The following BARD1 variants were observed in gnomAD, a reference collection of about 807,000 sequenced individuals.
BARD1 encodes the protein BRCA1-associated RING domain protein 1.
Under a neutral mutation model 77.0 loss-of-function variants are expected in BARD1, and 73 were observed. The observed-to-expected ratio is 0.95, with a 90% CI of 0.79 to 1.15. BARD1 has a LOEUF of 1.15. Among genes scored for constraint, BARD1 ranks in the 50% most tolerant of loss-of-function variants. The pLI, the probability that BARD1 is intolerant of heterozygous loss-of-function variation, is 0.00. For synonymous variants in BARD1, 384 were observed against 338.0 expected, an observed-to-expected ratio of 1.14 and a Z score of -1.49; for missense variants, 993 against 938.8, an observed-to-expected ratio of 1.06 and a Z score of -0.75.
Position 214,728,881 on chromosome 2 carries a change from T to A in BARD1, c.2129A>T (p.Asp710Val), listed in dbSNP as rs150121935. The change falls in exon 11 of 11, where the codon GAC (aspartate) becomes GTC (valine). Residue 710 changes from aspartate (D) to valine (V), a missense_variant. Physicochemically the swap from Asp to Val is radical, Grantham distance 152. Coordinates refer to ENST00000260947, the MANE Select transcript of BARD1 (RefSeq NM_000465.4). Reference protein sequence around the residue: ...GQILSRKPKPDSDVTQTINTV... With the variant: ...GQILSRKPKPVSDVTQTINTV... ...ATTGATGGTCTGAGTCACGTCACTG[T>A]CTGGCTTGGGCTTTCTACTGAGGAT... The A allele has an allele frequency of 2.3e-5, 37 of 1,614,088 alleles. No individual in the cohort carries two copies. The highest frequency in any genetic ancestry group is 3.0e-5 in the Non-Finnish European group (35 of 1,180,034).
At chr2:214,808,984 G>C (rs1189449927) in intron 1 of BARD1, among the ~76,000 whole-genome samples, 1 of 152,230 alleles carries the variant, frequency 6.6e-6, no homozygotes, top group Non-Finnish European at 1.5e-5. Context: ...TTCTAATTTA[G>C]AGGGTCTCCG....
intron 5 of BARD1, 52 bp from the exon 6 acceptor site, chr2:214,767,706 G>A: frequency 6.7e-7 from 1 of 1,500,518 alleles, no homozygotes; most frequent in Non-Finnish European, 9.2e-7. Context: ...AAAGAGCAAT[G>A]GATGATATTA....
chr2:214,767,908 T>C (rs1335589010), intron 5 of BARD1, among the ~76,000 whole-genome samples: 2 of 152,196 alleles, frequency 1.3e-5, no homozygotes, highest in East Asian at 3.9e-4. Context: ...CTTTTCTGTT[T>C]TTTAGAAGAA....
intron 4 of BARD1, 138 bp downstream of exon 4, chr2:214,780,422 T>C (rs1246492610): frequency 2.6e-6 from 2 of 772,090 alleles, no homozygotes; most frequent in Non-Finnish European, 4.3e-6. Context: ...TGAATCTGGC[T>C]TCTCTGGTTC....
chr2:214,784,179 A>G (rs1695166014), intron 3 of BARD1, among the ~76,000 whole-genome samples: 1 of 152,186 alleles, frequency 6.6e-6, no homozygotes, highest in Non-Finnish European at 1.5e-5. Flanking sequence ...AACTTAAACA[A>G]ATTTACAAGA....
intron 4 of BARD1, among the ~76,000 whole-genome samples, chr2:214,774,601 T>C (rs1694658186): frequency 2.0e-5 from 3 of 152,204 alleles, no homozygotes; most frequent in Admixed American, 2.0e-4. Context: ...CCAGGCTTTG[T>C]TGTTCTAAAT....
chr2:214,788,085 A>G (rs1695352310), intron 3 of BARD1, among the ~76,000 whole-genome samples: 1 of 152,052 alleles, frequency 6.6e-6, no homozygotes, highest in Non-Finnish European at 1.5e-5. Flanking sequence ...AAGTCATAGC[A>G]TATATGAAAC....
chr2:214,757,440 T>A (rs1382862417), intron 6 of BARD1, among the ~76,000 whole-genome samples: 1 of 152,292 alleles, frequency 6.6e-6, no homozygotes, highest in Admixed American at 6.5e-5. Context: ...TGTTCATGTG[T>A]CATTGCTTTT....
At chr2:214,809,388 AC>A (rs2106170623) in intron 1 of BARD1, 23 bp downstream of exon 1, 1 of 1,611,736 alleles carries the variant, frequency 6.2e-7, no homozygotes, top group Non-Finnish European at 8.5e-7. Flanking sequence ...CCTCGCAGCC[AC>A]CCCCAAGAAG....
chr2:214,735,453 T>C lies in BARD1; in HGVS notation c.1904-4945A>G, dbSNP rs1371008657. ...CATGTCTACAAAAGCACTGTGAGTA[T>C]TGATTTGGGGATTACAAGAAAAATT... is the stretch of plus-strand genomic sequence containing the variant. On this transcript the variant is annotated intron_variant, in intron 9 of 10. Transcript: ENST00000260947. Among the ~76,000 whole-genome samples, 4 of 152,144 alleles carry C rather than the reference T, an allele frequency of 2.6e-5. No homozygotes were observed. The South Asian group carries it at 6.2e-4, about 24-fold the overall frequency.
At chr2:214,745,894 G>C (rs2106021627) in intron 7 of BARD1, 40 bp from the exon 8 acceptor site, 1 of 1,608,920 alleles carries the variant, frequency 6.2e-7, no homozygotes, top group Non-Finnish European at 8.5e-7. Context: ...AAAAACATTA[G>C]ACGACTAGAC....
chr2:214,794,114 G>A (rs1030575030), intron 2 of BARD1, among the ~76,000 whole-genome samples: 9 of 151,968 alleles, frequency 5.9e-5, no homozygotes, highest in Non-Finnish European at 7.4e-5. Context: ...TTAGCCAGGC[G>A]TGGTGGGGTG....
rs905591107 is a variant in BARD1, at chr2:214,738,989, GA to G, written c.1903+6077del. Among the ~76,000 whole-genome samples, 13 of 148,684 alleles carry G rather than the reference GA, an allele frequency of 8.7e-5. No homozygotes were observed. In the East Asian group the frequency reaches 1.8e-3, roughly 20 times the overall value. On this transcript the variant is annotated intron_variant, in intron 9 of 10. Transcript: ENST00000260947. ...GTGAGATCTCTGCCTCAACTAAAAA[GA>G]AAAAAAAAATTAGCCAGGCATGGTG...
chr2:214,760,101 T>C (rs1693883876), intron 6 of BARD1, among the ~76,000 whole-genome samples: 1 of 152,200 alleles, frequency 6.6e-6, no homozygotes, highest in Non-Finnish European at 1.5e-5. Context: ...CTCTCAGTTA[T>C]CTTTATATTT....
intron 7 of BARD1, among the ~76,000 whole-genome samples, chr2:214,750,890 C>A (rs1448506170): frequency 2.0e-5 from 3 of 151,898 alleles, no homozygotes; most frequent in Non-Finnish European, 4.4e-5. Context: ...TTCCTTGATG[C>A]AACCACTAAG....
At chr2:214,792,732 G>A (rs1433652397) in intron 2 of BARD1, among the ~76,000 whole-genome samples, 1 of 152,174 alleles carries the variant, frequency 6.6e-6, no homozygotes, top group African/African-American at 2.4e-5. Context: ...AGATGTAACA[G>A]AAAGATAGAA....
At chr2:214,778,644 C>T (rs1694840614) in intron 4 of BARD1, among the ~76,000 whole-genome samples, 1 of 152,084 alleles carries the variant, frequency 6.6e-6, no homozygotes, top group Non-Finnish European at 1.5e-5. Flanking sequence ...GGGCCAGTCA[C>T]CCAATTTTGT....
chr2:214,748,795 C>T (rs918325539), intron 7 of BARD1, among the ~76,000 whole-genome samples: 2 of 151,962 alleles, frequency 1.3e-5, no homozygotes, highest in African/African-American at 4.8e-5. Flanking sequence ...TTCCCAATGA[C>T]GCTACCAAGC....
In BARD1 at chr2:214,728,873, C is replaced by CG. The variant is rs781133871; in HGVS notation, c.2136dup (p.Val713ArgfsTer17). Reference sequence around the variant, plus strand: ...GCGACTGTATTGATGGTCTGAGTCACGTCACTGTCTGGCTTGGGCTTTCTA... The same window carrying CG: ...GCGACTGTATTGATGGTCTGAGTCACGGTCACTGTCTGGCTTGGGCTTTCTA... On this transcript the variant is annotated frameshift_variant, in exon 11 of 11. Transcript: ENST00000260947. LOFTEE classifies it high-confidence loss of function. 1 of 1,614,186 alleles carries CG rather than the reference C, an allele frequency of 6.2e-7. No homozygotes were observed. The highest frequency in any genetic ancestry group is 1.1e-5 in the South Asian group (1 of 91,084).
Sources: gnomAD v4.1 joint callset for allele counts (sites outside exome capture counted in the v4.1 genomes callset) on GRCh38, gnomAD v4.1.1 for gene constraint, MANE v1.5 for transcripts, NCBI Gene and HGNC (gene_info 2026-07-23, HGNC 2026-07-21) for gene names.